SESTD1: variants seen among roughly 807,000 people sequenced by gnomAD.
SESTD1 encodes SEC14 and spectrin domain containing 1, also known as SEC14 domain and spectrin repeat-containing protein 1.
A neutral mutation model predicts 101.7 loss-of-function variants in SESTD1; 43 were observed. The observed-to-expected ratio is 0.42, with a 90% CI of 0.33 to 0.55. The LOEUF is 0.55. Among genes scored for constraint, SESTD1 ranks in the 20% least tolerant of loss-of-function variants. SESTD1 has a pLI of 0.07. For missense variants in SESTD1, 647 were observed against 815.1 expected (o/e 0.79, Z 2.51); for synonymous variants, 283 against 286.8 (o/e 0.99, Z 0.13).
intron 1 of SESTD1, among the ~76,000 whole-genome samples, chr2:179,226,525 AAAC>A (rs1297200116): frequency 2.0e-5 from 3 of 152,204 alleles, no homozygotes; most frequent in Admixed American, 6.5e-5. Context: ...TTACTATGAA[AAAC>A]AACAATTTAT....
At chr2:179,191,351 T>G (rs2046317275) in intron 2 of SESTD1, among the ~76,000 whole-genome samples, 1 of 152,186 alleles carries the variant, frequency 6.6e-6, no homozygotes, top group Non-Finnish European at 1.5e-5. Flanking sequence ...TATTGCACAT[T>G]CTCATTTGTA....
At chr2:179,189,890 T>C (rs1257328683) in intron 2 of SESTD1, among the ~76,000 whole-genome samples, 1 of 151,880 alleles carries the variant, frequency 6.6e-6, no homozygotes, top group Non-Finnish European at 1.5e-5. Flanking sequence ...AAGAGAGCTA[T>C]AAAACACTGC....
At chr2:179,112,907 A>G (rs2044542153) in intron 16 of SESTD1, 62 bp from the exon 17 acceptor site, 1 of 1,524,232 alleles carries the variant, frequency 6.6e-7, no homozygotes, top group Non-Finnish European at 8.8e-7. Flanking sequence ...GTTTCAGAGG[A>G]TCACCCCACC....
chr2:179,201,667 G>T (rs1244494788), intron 1 of SESTD1, among the ~76,000 whole-genome samples: 2 of 121,276 alleles, frequency 1.6e-5, no homozygotes, highest in Non-Finnish European at 3.4e-5. Flanking sequence ...GTAAACTATC[G>T]CAAGAACAAA....
intron 3 of SESTD1, among the ~76,000 whole-genome samples, chr2:179,176,992 G>A (rs1468693924): frequency 2.0e-5 from 3 of 152,192 alleles, no homozygotes; most frequent in Admixed American, 1.3e-4. Context: ...AATAAAGTAA[G>A]TTATTAATAA....
intron 1 of SESTD1, among the ~76,000 whole-genome samples, chr2:179,255,510 A>G (rs916438820): frequency 6.6e-6 from 1 of 152,264 alleles, no homozygotes; most frequent in African/African-American, 2.4e-5. Flanking sequence ...GCAAGACACT[A>G]GTTCTAGTCC....
intron 7 of SESTD1, among the ~76,000 whole-genome samples, chr2:179,146,904 GGTGTGTGTGT>G (rs71023470): frequency 0.014 from 2,081 of 145,478 alleles, 32 homozygotes; most frequent in African/African-American, 0.042. Context: ...ATATTCCAGG[GGTGTGTGTGT>G]GTGTGTGTGT....
At chr2:179,255,404 G>C (rs1262337320) in intron 1 of SESTD1, among the ~76,000 whole-genome samples, 3 of 152,220 alleles carry the variant, frequency 2.0e-5, no homozygotes, top group African/African-American at 7.2e-5. Context: ...ATAAGAAAGT[G>C]AAACAGCCAC....
chr2:179,111,719 CTTT>C (rs572503441), intron 17 of SESTD1, among the ~76,000 whole-genome samples: 4 of 135,320 alleles, frequency 3.0e-5, no homozygotes, highest in Admixed American at 1.5e-4. Context: ...CCTCCTGATT[CTTT>C]TTTTTTTTTT....
intron 13 of SESTD1, among the ~76,000 whole-genome samples, chr2:179,120,558 A>G (rs1007507794): frequency 6.6e-6 from 1 of 152,242 alleles, no homozygotes; most frequent in African/African-American, 2.4e-5. Context: ...GAAGGATCAT[A>G]AATGTGTTTT....
Position 179,210,209 on chromosome 2 carries a change from G to A in SESTD1, c.-25-18343C>T, listed in dbSNP as rs540013145. ...GAAACAGTAATTTAAAAATTCCAACGAAAGAAGTTGAGGACTAGATGGATT... is the reference window on the plus strand; with the variant it reads ...GAAACAGTAATTTAAAAATTCCAACAAAAGAAGTTGAGGACTAGATGGATT... On this transcript the variant is annotated intron_variant, in intron 1 of 17. Transcript: ENST00000428443. Among the ~76,000 whole-genome samples, 134 of 134,090 alleles carry A rather than the reference G, an allele frequency of 1.0e-3. 21 individuals carry two copies. The highest frequency in any genetic ancestry group is 1.6e-3 in the Non-Finnish European group (97 of 62,254). The allele number at this position is 134,090 out of a possible 152,430, so 88.0% of individuals were successfully genotyped here.
chr2:179,136,414 C>A (rs1325556176), intron 9 of SESTD1, among the ~76,000 whole-genome samples: 1 of 152,184 alleles, frequency 6.6e-6, no homozygotes, highest in Admixed American at 6.5e-5. Context: ...CCCTGAACTA[C>A]TGTATCCGAC....
chr2:179,181,879 G>A (rs1006453676), intron 3 of SESTD1, among the ~76,000 whole-genome samples: 1 of 151,760 alleles, frequency 6.6e-6, no homozygotes, highest in Non-Finnish European at 1.5e-5. Context: ...TACTGCTAAT[G>A]CAATTAGCTA....
chr2:179,167,257 A>T (rs1271347006), intron 5 of SESTD1, among the ~76,000 whole-genome samples: 1 of 152,234 alleles, frequency 6.6e-6, no homozygotes, highest in Non-Finnish European at 1.5e-5. Flanking sequence ...CAATGGTCTC[A>T]TCAACAAACT....
intron 12 of SESTD1, among the ~76,000 whole-genome samples, chr2:179,122,820 G>A (rs886359087): frequency 6.6e-5 from 10 of 152,014 alleles, no homozygotes; most frequent in Admixed American, 2.6e-4. Flanking sequence ...CACTTGAATC[G>A]GGGAGGCAGA....
chr2:179,225,841 G>A (rs2046877068), intron 1 of SESTD1, among the ~76,000 whole-genome samples: 1 of 152,062 alleles, frequency 6.6e-6, no homozygotes, highest in Non-Finnish European at 1.5e-5. Flanking sequence ...AATCACCTCC[G>A]AAAGGCTATA....
At chr2:179,183,044 ATACT>A in intron 3 of SESTD1, 32 bp downstream of exon 3, 2 of 1,389,410 alleles carry the variant, frequency 1.4e-6, no homozygotes. Context: ...GAATGAAAAC[ATACT>A]GAGATTTAAG....
At chr2:179,227,502 A>C (rs934839962) in intron 1 of SESTD1, among the ~76,000 whole-genome samples, 1 of 152,162 alleles carries the variant, frequency 6.6e-6, no homozygotes, top group African/African-American at 2.4e-5. Context: ...GAGGTAACAA[A>C]ATTTTTGCCA....
rs547099616 is a variant in SESTD1, at chr2:179,202,181, T to G, written c.-25-10315A>C. Among the ~76,000 whole-genome samples the G allele has an allele frequency of 7.5e-5, 10 of 133,642 alleles. 2 individuals are homozygous for G. The East Asian group carries it at 8.0e-4, about 11-fold the overall frequency. The allele number at this position is 133,642 out of a possible 152,430, so 87.7% of individuals were successfully genotyped here. On this transcript the variant is annotated intron_variant, in intron 1 of 17. Coordinates refer to ENST00000428443, the MANE Select transcript of SESTD1 (RefSeq NM_178123.5). Reference sequence around the variant, plus strand: ...GGTATTAATCTGTTCTTAATAAAACTGCAAGTTTTACTTTTCATTTTGTAA... The same window carrying G: ...GGTATTAATCTGTTCTTAATAAAACGGCAAGTTTTACTTTTCATTTTGTAA...
Sources: gnomAD v4.1 joint callset for allele counts (sites outside exome capture counted in the v4.1 genomes callset) on GRCh38, gnomAD v4.1.1 for gene constraint, MANE v1.5 for transcripts, NCBI Gene and HGNC (gene_info 2026-07-23, HGNC 2026-07-21) for gene names.